UGGT2: variants seen among roughly 807,000 people sequenced by gnomAD.
UGGT2 encodes the protein UDP-glucose glycoprotein glucosyltransferase 2, also known as UDP-glucose:glycoprotein glucosyltransferase 2.
A neutral mutation model predicts 192.1 loss-of-function variants in UGGT2; 180 were observed. That is an observed-to-expected ratio of 0.94 (90% CI 0.83 to 1.06). The LOEUF (loss-of-function observed/expected upper bound fraction) is 1.06. Among genes scored for constraint, UGGT2 ranks in the 50% least tolerant of loss-of-function variants. The probability of loss-of-function intolerance (pLI) is 0.00; values close to 1 mark genes in which losing one functional copy is unlikely to be tolerated. For missense variants in UGGT2, 1,849 were observed against 1,795.7 expected, an observed-to-expected ratio of 1.03 and a Z score of -0.54; for synonymous variants, 580 against 591.0, an observed-to-expected ratio of 0.98 and a Z score of 0.27.
chr13:96,048,287 A>G (rs1192950546), intron 1 of UGGT2, among the ~76,000 whole-genome samples: 1 of 152,156 alleles, frequency 6.6e-6, no homozygotes. Context: ...TGAAACCAAT[A>G]AGAACAAAGA....
intron 20 of UGGT2, among the ~76,000 whole-genome samples, chr13:95,908,067 G>A (rs1199389069): frequency 6.6e-6 from 1 of 152,142 alleles, no homozygotes; most frequent in African/African-American, 2.4e-5. Flanking sequence ...ACGTGATGGA[G>A]CTGAAAACCA....
chr13:95,906,247 AT>A (rs2048287504), intron 20 of UGGT2, among the ~76,000 whole-genome samples: 1 of 152,166 alleles, frequency 6.6e-6, no homozygotes, highest in Non-Finnish European at 1.5e-5. Flanking sequence ...TTTAAACTGC[AT>A]TTCTCGTTTG....
At chr13:95,898,013 T>G (rs561279329) in intron 22 of UGGT2, among the ~76,000 whole-genome samples, 1 of 152,238 alleles carries the variant, frequency 6.6e-6, no homozygotes, top group African/African-American at 2.4e-5. Flanking sequence ...ACTCTGCCAG[T>G]AACTTAGTTC....
At chr13:96,046,557 G>C (rs566741530) in intron 1 of UGGT2, among the ~76,000 whole-genome samples, 7 of 152,234 alleles carry the variant, frequency 4.6e-5, no homozygotes, top group Admixed American at 4.6e-4. Flanking sequence ...CAGAAGAAAG[G>C]TGATTTCCGC....
At chr13:96,039,615 T>C (rs71434507) in intron 1 of UGGT2, among the ~76,000 whole-genome samples, 22,659 of 152,238 alleles carry the variant, frequency 0.15, 1,809 homozygotes, top group Middle Eastern at 0.23. Flanking sequence ...TCATCAAGTG[T>C]TGGTTCCTTT....
intron 5 of UGGT2, among the ~76,000 whole-genome samples, chr13:96,001,162 G>C (rs1040532963): frequency 6.6e-6 from 1 of 152,320 alleles, no homozygotes; most frequent in Admixed American, 6.5e-5. Context: ...TATATGCCCA[G>C]ATGGCCTGAA....
At chr13:95,905,746 G>A (rs531310026) in intron 20 of UGGT2, among the ~76,000 whole-genome samples, 3 of 152,236 alleles carry the variant, frequency 2.0e-5, no homozygotes, top group African/African-American at 7.2e-5. Context: ...CTCCAGCTTT[G>A]TTCTTTTGGC....
chr13:95,913,811 C>G (rs1322032563), intron 20 of UGGT2, among the ~76,000 whole-genome samples: 1 of 152,040 alleles, frequency 6.6e-6, no homozygotes, highest in Non-Finnish European at 1.5e-5. Context: ...GCACTATTGA[C>G]AATAGCAAAG....
chr13:95,975,116 G>A (rs2050896314), intron 10 of UGGT2, among the ~76,000 whole-genome samples: 2 of 152,100 alleles, frequency 1.3e-5, no homozygotes, highest in Admixed American at 1.3e-4. Flanking sequence ...CCTAAATGCG[G>A]CTCTGAGTTG....
At position 95,918,167 on chromosome 13, in the gene UGGT2, A is replaced by G. The variant is rs547632198; in HGVS notation, c.2295+7513T>C. Among the ~76,000 whole-genome samples, 277 of 152,352 alleles carry G rather than the reference A, an allele frequency of 1.8e-3. 2 individuals are homozygous for G. Among genetic ancestry groups the G allele is most frequent in the Non-Finnish European group, 3.0e-3 (204 of 68,036 alleles). On this transcript the variant is annotated intron_variant, in intron 20 of 38. Coordinates refer to ENST00000376747, the MANE Select transcript of UGGT2 (RefSeq NM_020121.4). ...AACGTTCCTCAGCAAATGCAAAATA[A>G]GTGAAATCGTAACAGTCTTTCAGAC...
At chr13:95,958,705 G>A (rs561541527) in intron 12 of UGGT2, among the ~76,000 whole-genome samples, 2 of 151,338 alleles carry the variant, frequency 1.3e-5, no homozygotes, top group Admixed American at 6.6e-5. Context: ...ATCACACTTC[G>A]AATAGGTCGT....
At chr13:95,978,647 TCA>T (rs1306407357) in intron 10 of UGGT2, among the ~76,000 whole-genome samples, 1 of 152,204 alleles carries the variant, frequency 6.6e-6, no homozygotes, top group Non-Finnish European at 1.5e-5. Flanking sequence ...TCTAGCAGTT[TCA>T]CAGTTTCAGG....
intron 12 of UGGT2, among the ~76,000 whole-genome samples, chr13:95,949,998 C>A (rs147253438): frequency 1.1e-4 from 16 of 152,212 alleles, no homozygotes; most frequent in African/African-American, 3.6e-4. Flanking sequence ...TCCTTGAAAG[C>A]AGGAGGCATA....
chr13:95,839,393 T>C (rs1887629076), intron 36 of UGGT2, among the ~76,000 whole-genome samples: 1 of 152,184 alleles, frequency 6.6e-6, no homozygotes, highest in African/African-American at 2.4e-5. Flanking sequence ...AAATTATACA[T>C]TATCAGGTTT....
chr13:95,843,289 G>A (rs757982974), intron 36 of UGGT2, among the ~76,000 whole-genome samples: 16 of 152,112 alleles, frequency 1.1e-4, no homozygotes, highest in Non-Finnish European at 1.9e-4. Context: ...ACTTGGTATG[G>A]TCAGTCTTTT....
At chr13:95,879,945 GGTTT>G (rs1237708099) in intron 27 of UGGT2, among the ~76,000 whole-genome samples, 1 of 152,032 alleles carries the variant, frequency 6.6e-6, no homozygotes, top group Non-Finnish European at 1.5e-5. Context: ...AGAATGAGCA[GGTTT>G]GTTACATAGG....
intron 12 of UGGT2, among the ~76,000 whole-genome samples, chr13:95,967,405 G>A (rs1446550478): frequency 2.0e-5 from 3 of 149,612 alleles, no homozygotes; most frequent in South Asian, 4.3e-4. Flanking sequence ...CCCACCACGT[G>A]CTCCTCAAAG....
At chr13:95,869,135 T>C (rs1300930958) in intron 29 of UGGT2, among the ~76,000 whole-genome samples, 2 of 147,538 alleles carry the variant, frequency 1.4e-5, no homozygotes, top group African/African-American at 2.5e-5. Context: ...AACATGGCGG[T>C]GTTTGGTTTT....
At chr13:96,010,271 T>A (rs958690404) in intron 5 of UGGT2, among the ~76,000 whole-genome samples, 7 of 152,104 alleles carry the variant, frequency 4.6e-5, no homozygotes, top group Non-Finnish European at 8.8e-5. Flanking sequence ...ATAAAGAAAA[T>A]GTGGTACATA....
Sources: allele counts gnomAD v4.1 joint callset (sites outside exome capture counted in the v4.1 genomes callset), GRCh38; gene constraint gnomAD v4.1.1; transcripts MANE v1.5; gene names NCBI Gene and HGNC (gene_info 2026-07-23, HGNC 2026-07-21).